TBL1X: variants seen among roughly 807,000 people sequenced by gnomAD.
TBL1X encodes the protein transducin beta like 1 X-linked.
In TBL1X, 10 loss-of-function variants were observed where a neutral mutation model predicts 50.7. That is an observed-to-expected ratio of 0.20 (90% CI 0.12 to 0.33). The LOEUF is 0.33. Ranked by LOEUF, TBL1X falls within the 10% of genes least tolerant of loss-of-function variation. The pLI is 1.00. For missense variants in TBL1X, 340 were observed against 504.4 expected (o/e 0.67, Z 3.12); for synonymous variants, 190 against 214.7 (o/e 0.88, Z 1.01).
At chrX:9,596,404 G>A (rs1249299245) in intron 2 of TBL1X, among the ~76,000 whole-genome samples, 1 of 111,809 alleles carries the variant, frequency 8.9e-6, no homozygotes, top group African/African-American at 3.3e-5. Flanking sequence ...GGTTGTATGG[G>A]TCTGAACTAG....
chrX:9,584,426 G>C (rs917785736), intron 2 of TBL1X, among the ~76,000 whole-genome samples: 1 of 112,315 alleles, frequency 8.9e-6, no homozygotes. Context: ...AAGCAAGACA[G>C]ATACCTGATT....
intron 2 of TBL1X, among the ~76,000 whole-genome samples, chrX:9,569,811 G>C (rs183042933): frequency 5.3e-5 from 6 of 112,624 alleles, no homozygotes; most frequent in East Asian, 5.6e-4. Flanking sequence ...GAGCCTAAAG[G>C]CTTTCCCATT....
intron 2 of TBL1X, among the ~76,000 whole-genome samples, chrX:9,613,705 G>C (rs993017503): frequency 2.0e-4 from 22 of 111,115 alleles, no homozygotes; most frequent in Non-Finnish European, 3.6e-4. Context: ...TTAATTTAAG[G>C]CTGGGCGCGG....
chrX:9,689,080 G>A (rs1163696374), intron 7 of TBL1X, among the ~76,000 whole-genome samples: 1 of 113,534 alleles, frequency 8.8e-6, no homozygotes, highest in Non-Finnish European at 1.9e-5. Context: ...CTGTGCGTGT[G>A]TGTGCACAAG....
intron 2 of TBL1X, among the ~76,000 whole-genome samples, chrX:9,527,210 G>A (rs1302562719): frequency 8.9e-6 from 1 of 111,970 alleles, no homozygotes; most frequent in Non-Finnish European, 1.9e-5. Context: ...TGTAGCTGCA[G>A]CTCAGCAGCG....
At chrX:9,708,647 C>T (rs1195848260) in intron 13 of TBL1X, among the ~76,000 whole-genome samples, 2 of 97,968 alleles carry the variant, frequency 2.0e-5, no homozygotes, top group Non-Finnish European at 2.0e-5. Context: ...TTTGGGAGGT[C>T]GAGGTGGGAG....
In TBL1X at chrX:9,718,370, A is replaced by G. The variant is rs1365814189; in HGVS notation, c.*2124A>G. 1 of 111,978 alleles carries G rather than the reference A, an allele frequency of 8.9e-6. No individual in the cohort carries two copies. The allele number at this position is 111,978 out of a possible 1,213,427, so 9.2% of individuals were successfully genotyped here. The stretch of plus-strand genomic sequence containing the variant: ...TGAATTATTCATGTCCCAGAAGACC[A>G]AAAAGTGCTCTGGTTCTGAGATGAG... On this transcript the variant is annotated 3_prime_UTR_variant, in exon 18 of 18. Transcript: ENST00000645353.
chrX:9,502,893 C>T (rs1457623385), intron 2 of TBL1X, among the ~76,000 whole-genome samples: 1 of 112,305 alleles, frequency 8.9e-6, no homozygotes, highest in East Asian at 2.8e-4. Flanking sequence ...CCTGCTGGTG[C>T]CTTAATTGTG....
chrX:9,473,575 A>G lies in TBL1X; in HGVS notation c.-201+8128A>G, dbSNP rs144917179. Among the ~76,000 whole-genome samples the G allele has an allele frequency of 5.3e-3, 590 of 112,111 alleles. 4 individuals are homozygous for G. Among genetic ancestry groups the G allele is most frequent in the African/African-American group, 0.018 (550 of 30,876 alleles). On this transcript the variant is annotated intron_variant, in intron 1 of 17. Transcript: ENST00000645353. ...AAAGGGAAGCTTTAGAAATGAAGGT[A>G]GAAAAGATGCTTTCTTATTGGAACA...
intron 2 of TBL1X, among the ~76,000 whole-genome samples, chrX:9,543,897 G>A (rs1019963671): frequency 2.7e-5 from 3 of 111,377 alleles, no homozygotes; most frequent in Admixed American, 9.5e-5. Context: ...GACAGTAGCC[G>A]AACACAGAAC....
At chrX:9,698,435 C>G (rs1187406939) in intron 12 of TBL1X, among the ~76,000 whole-genome samples, 5 of 111,765 alleles carry the variant, frequency 4.5e-5, no homozygotes, top group Non-Finnish European at 9.4e-5. Context: ...GTGCACACGG[C>G]CAAATCCAGA....
At chrX:9,655,645 T>A (rs1203015384) in intron 5 of TBL1X, among the ~76,000 whole-genome samples, 1 of 111,255 alleles carries the variant, frequency 9.0e-6, no homozygotes, top group Admixed American at 9.6e-5. Flanking sequence ...GCCCTTGATA[T>A]CAGATTGTAT....
intron 2 of TBL1X, among the ~76,000 whole-genome samples, chrX:9,552,664 C>G (rs950917305): frequency 8.9e-6 from 1 of 112,398 alleles, no homozygotes; most frequent in African/African-American, 3.2e-5. Context: ...ACTCCTGTTT[C>G]TGCTGCTATC....
intron 12 of TBL1X, among the ~76,000 whole-genome samples, chrX:9,704,050 G>A (rs1449652404): frequency 8.9e-6 from 1 of 111,814 alleles, no homozygotes; most frequent in East Asian, 2.8e-4. Flanking sequence ...TAGAGAATGA[G>A]ACCCATAGCT....
chrX:9,639,256 A>G (rs1036813643), intron 2 of TBL1X, among the ~76,000 whole-genome samples: 2 of 111,343 alleles, frequency 1.8e-5, no homozygotes, highest in African/African-American at 6.5e-5. Flanking sequence ...GAGTTTCTAT[A>G]TAAACTCCCT....
chrX:9,607,522 G>A (rs761896579), intron 2 of TBL1X, among the ~76,000 whole-genome samples: 3 of 112,667 alleles, frequency 2.7e-5, no homozygotes, highest in Non-Finnish European at 5.6e-5. Flanking sequence ...TGGAGTTGCC[G>A]CTCTCACCCT....
intron 2 of TBL1X, among the ~76,000 whole-genome samples, chrX:9,520,902 G>C (rs1381610357): frequency 9.0e-6 from 1 of 110,892 alleles, no homozygotes; most frequent in African/African-American, 3.3e-5. Context: ...GACCAGCCTG[G>C]GTAGCAGCAG....
At chrX:9,578,034 C>T (rs1034242223) in intron 2 of TBL1X, among the ~76,000 whole-genome samples, 2 of 111,768 alleles carry the variant, frequency 1.8e-5, no homozygotes, top group African/African-American at 6.5e-5. Flanking sequence ...GAAAGCTGAC[C>T]CTAGACCATG....
intron 2 of TBL1X, among the ~76,000 whole-genome samples, chrX:9,507,077 G>A (rs772102820): frequency 3.6e-5 from 4 of 112,043 alleles, no homozygotes; most frequent in African/African-American, 1.3e-4. Flanking sequence ...CATAGTATTG[G>A]AAGTTCTGGC....
Sources: gnomAD v4.1 joint callset for allele counts (sites outside exome capture counted in the v4.1 genomes callset) on GRCh38, gnomAD v4.1.1 for gene constraint, MANE v1.5 for transcripts, NCBI Gene and HGNC (gene_info 2026-07-23, HGNC 2026-07-21) for gene names.